Variants in EHBP1 observed in about 807,000 individuals in gnomAD.
The protein encoded by EHBP1 is EH domain binding protein 1, also known as EH domain-binding protein 1.
A neutral mutation model predicts 144.0 loss-of-function variants in EHBP1; 55 were observed. That is an observed-to-expected ratio of 0.38 (90% CI 0.31 to 0.48). The LOEUF is 0.48. Among genes scored for constraint, EHBP1 ranks in the 20% least tolerant of loss-of-function variants. EHBP1 has a pLI of 0.98. For synonymous variants in EHBP1, 469 were observed against 472.7 expected (o/e 0.99, Z 0.10); for missense variants, 1,200 against 1,364.2 (o/e 0.88, Z 1.90).
chr2:62,895,184 G>C (rs1022603408), intron 10 of EHBP1, among the ~76,000 whole-genome samples: 1 of 152,124 alleles, frequency 6.6e-6, no homozygotes, highest in African/African-American at 2.4e-5. Context: ...GAATAGTGCT[G>C]TATCCAGTGT....
chr2:62,979,573 C>T (rs1334577253), intron 15 of EHBP1, among the ~76,000 whole-genome samples: 3 of 152,190 alleles, frequency 2.0e-5, no homozygotes, highest in Admixed American at 6.5e-5. Flanking sequence ...TTAGAATATG[C>T]TTTTGTAAAA....
chr2:62,797,590 C>T (rs1353798329), intron 5 of EHBP1, among the ~76,000 whole-genome samples: 1 of 152,198 alleles, frequency 6.6e-6, no homozygotes, highest in Non-Finnish European at 1.5e-5. Flanking sequence ...GTTCATTGTA[C>T]ACTTCAACAC....
chr2:62,916,485 C>T (rs973093142), intron 10 of EHBP1, among the ~76,000 whole-genome samples: 1 of 151,356 alleles, frequency 6.6e-6, no homozygotes, highest in Non-Finnish European at 1.5e-5. Context: ...CCCAGCTACT[C>T]GAGTGGATGA....
chr2:62,730,523 G>A (rs1320634915), intron 2 of EHBP1, among the ~76,000 whole-genome samples: 1 of 152,092 alleles, frequency 6.6e-6, no homozygotes, highest in Non-Finnish European at 1.5e-5. Flanking sequence ...TTGTCTGGAT[G>A]TGCCACAGTT....
intron 10 of EHBP1, among the ~76,000 whole-genome samples, chr2:62,876,145 T>G (rs759137995): frequency 3.9e-5 from 6 of 152,108 alleles, no homozygotes; most frequent in Non-Finnish European, 7.3e-5. Context: ...CCCTGTGAGA[T>G]TCCATATAAG....
At chr2:63,023,316 CAA>C (rs1371040305) in intron 19 of EHBP1, among the ~76,000 whole-genome samples, 2 of 151,932 alleles carry the variant, frequency 1.3e-5, no homozygotes, top group African/African-American at 2.4e-5. Context: ...TTTAGAGAAA[CAA>C]AGATTAATCA....
At chr2:62,883,464 C>T (rs544637957) in intron 10 of EHBP1, among the ~76,000 whole-genome samples, 4 of 152,190 alleles carry the variant, frequency 2.6e-5, no homozygotes, top group Admixed American at 2.6e-4. Flanking sequence ...ACATTAGAGA[C>T]ACAGTCATAT....
intron 3 of EHBP1, among the ~76,000 whole-genome samples, chr2:62,753,160 T>G (rs1396285717): frequency 5.3e-5 from 8 of 152,250 alleles, no homozygotes; most frequent in Non-Finnish European, 1.2e-4. Context: ...TTTGTATGTT[T>G]AGTGCTTCCT....
At chr2:62,880,988 C>T (rs1280545055) in intron 10 of EHBP1, among the ~76,000 whole-genome samples, 1 of 152,040 alleles carries the variant, frequency 6.6e-6, no homozygotes, top group African/African-American at 2.4e-5. Flanking sequence ...GATCAACCTA[C>T]ATTGCCCATC....
intron 8 of EHBP1, among the ~76,000 whole-genome samples, chr2:62,860,409 T>A (rs2049413465): frequency 6.6e-6 from 1 of 152,094 alleles, no homozygotes; most frequent in Non-Finnish European, 1.5e-5. Flanking sequence ...GAGAATTGCT[T>A]GAACCTGGGA....
At chr2:62,690,254 G>A (rs1249923383) in intron 1 of EHBP1, among the ~76,000 whole-genome samples, 3 of 152,052 alleles carry the variant, frequency 2.0e-5, no homozygotes, top group African/African-American at 7.2e-5. Flanking sequence ...AAAAATAGGG[G>A]TTTTGAAGTG....
chr2:62,871,516 CTGTT>C (rs1271827922), intron 9 of EHBP1, among the ~76,000 whole-genome samples: 7 of 152,198 alleles, frequency 4.6e-5, no homozygotes, highest in Non-Finnish European at 8.8e-5. Flanking sequence ...AGAAAGAACT[CTGTT>C]TGTATTAATT....
intron 7 of EHBP1, among the ~76,000 whole-genome samples, chr2:62,850,182 GA>G (rs1281344868): frequency 3.9e-5 from 6 of 152,154 alleles, no homozygotes. Flanking sequence ...ATCTCTGCCA[GA>G]AAGTTGAAGA....
chr2:62,785,402 G>A (rs1175998200), intron 5 of EHBP1, among the ~76,000 whole-genome samples: 3 of 152,218 alleles, frequency 2.0e-5, no homozygotes, highest in Non-Finnish European at 4.4e-5. Context: ...GGTGCAGACA[G>A]AGAAGAGGCG....
intron 14 of EHBP1, among the ~76,000 whole-genome samples, chr2:62,973,585 A>G (rs998523058): frequency 6.6e-6 from 1 of 152,230 alleles, no homozygotes; most frequent in African/African-American, 2.4e-5. Context: ...TGAAAATTAA[A>G]TATTATGCAC....
intron 19 of EHBP1, among the ~76,000 whole-genome samples, chr2:63,013,542 T>C (rs150028927): frequency 1.3e-5 from 2 of 151,996 alleles, no homozygotes; most frequent in African/African-American, 4.8e-5. Flanking sequence ...AAAGGCACAA[T>C]GAAATAGAAA....
upstream of EHBP1, among the ~76,000 whole-genome samples, chr2:62,702,789 A>G (rs2034317455): frequency 6.6e-6 from 1 of 152,226 alleles, no homozygotes; most frequent in Non-Finnish European, 1.5e-5. Flanking sequence ...GCTACCAAAC[A>G]CAATAGCATA....
At chr2:62,974,122 C>T (rs564726215) in intron 14 of EHBP1, among the ~76,000 whole-genome samples, 1 of 152,262 alleles carries the variant, frequency 6.6e-6, no homozygotes, top group Admixed American at 6.5e-5. Flanking sequence ...TATGAATAAG[C>T]TTGTGTCTCC....
At chr2:62,889,046 T>C (rs1432245131) in intron 10 of EHBP1, among the ~76,000 whole-genome samples, 3 of 97,768 alleles carry the variant, frequency 3.1e-5, no homozygotes, top group Non-Finnish European at 6.0e-5. Context: ...AGTAGGTACC[T>C]CTTTTTTTTT....
Sources: gnomAD v4.1 joint callset for allele counts (sites outside exome capture counted in the v4.1 genomes callset) on GRCh38, gnomAD v4.1.1 for gene constraint, MANE v1.5 for transcripts, NCBI Gene and HGNC (gene_info 2026-07-23, HGNC 2026-07-21) for gene names.